The following KLHL32 variants were observed in gnomAD, a reference collection of about 807,000 sequenced individuals.
The protein encoded by KLHL32 is kelch like family member 32.
A neutral mutation model predicts 64.8 loss-of-function variants in KLHL32; 35 were observed. The observed-to-expected ratio is 0.54, with a 90% CI of 0.41 to 0.72. The LOEUF (loss-of-function observed/expected upper bound fraction) is 0.72. Among genes scored for constraint, KLHL32 ranks in the 30% least tolerant of loss-of-function variants. KLHL32 has a pLI of 0.00. For missense variants in KLHL32, 589 were observed against 768.5 expected, an observed-to-expected ratio of 0.77 and a Z score of 2.76; for synonymous variants, 259 against 281.0, an observed-to-expected ratio of 0.92 and a Z score of 0.78.
intron 10 of KLHL32, among the ~76,000 whole-genome samples, chr6:97,136,573 GGAT>G (rs1436152683): frequency 6.6e-6 from 1 of 152,200 alleles, no homozygotes. Flanking sequence ...TGTGTGCCAT[GGAT>G]GACAAGTGGC....
At chr6:96,913,611 G>A in the KLHL32 span, among the ~76,000 whole-genome samples, 1 of 152,334 alleles carries the variant, frequency 6.6e-6, no homozygotes, top group East Asian at 1.9e-4. Context: ...AGATGGGTCG[G>A]TAGGGAGACT....
intron 1 of KLHL32, among the ~76,000 whole-genome samples, chr6:96,938,033 T>C (rs1219220255): frequency 2.6e-5 from 4 of 152,244 alleles, no homozygotes; most frequent in South Asian, 2.1e-4. Context: ...TTTAGTGTTA[T>C]GTATTTCTGA....
chr6:96,935,537 G>A (rs539921904), intron 1 of KLHL32, among the ~76,000 whole-genome samples: 8 of 152,278 alleles, frequency 5.3e-5, no homozygotes, highest in South Asian at 2.1e-4. Flanking sequence ...CTGTGAAACC[G>A]CGTCTATCAT....
upstream of KLHL32, chr6:96,924,521 G>A (rs1397121569): frequency 1.3e-5 from 2 of 150,468 alleles, no homozygotes; most frequent in African/African-American, 4.9e-5. Context: ...GGCGGGCGGT[G>A]GCGTTGCGCG....
chr6:97,107,285 C>A (rs1263789694), intron 6 of KLHL32, among the ~76,000 whole-genome samples: 5 of 149,276 alleles, frequency 3.3e-5, no homozygotes, highest in African/African-American at 1.0e-4. Flanking sequence ...AGGCAAGACT[C>A]CATCTCAAAA....
chr6:96,992,751 A>G (rs1007750986), intron 3 of KLHL32, among the ~76,000 whole-genome samples: 2 of 152,228 alleles, frequency 1.3e-5, no homozygotes, highest in Non-Finnish European at 2.9e-5. Flanking sequence ...TGTAATACCT[A>G]TATTATAAAG....
chr6:96,932,025 C>T (rs117295348), intron 1 of KLHL32, among the ~76,000 whole-genome samples: 3,524 of 152,118 alleles, frequency 0.023, 52 homozygotes, highest in Non-Finnish European at 0.035. Context: ...TAGAGTCTCT[C>T]GTTCACTTGT....
chr6:97,001,412 T>C (rs1779019050), intron 3 of KLHL32, among the ~76,000 whole-genome samples: 1 of 152,238 alleles, frequency 6.6e-6, no homozygotes. Context: ...AATTGTTTTA[T>C]TGTTTTCGAG....
At chr6:97,131,747 G>T (rs1799465138) in intron 9 of KLHL32, among the ~76,000 whole-genome samples, 1 of 152,180 alleles carries the variant, frequency 6.6e-6, no homozygotes, top group Non-Finnish European at 1.5e-5. Flanking sequence ...CTGCTGCTGG[G>T]GGAGGCAACG....
rs376138032 is a variant in KLHL32, at chr6:96,976,144, G to A, written c.171G>A (p.Lys57=). The A allele has an allele frequency of 3.7e-6, 6 of 1,602,602 alleles. No individual in the cohort carries two copies. In the African/African-American group the frequency reaches 8.0e-5, roughly 21 times the overall value. Residue 57 remains lysine, a synonymous_variant, in exon 3 of 11, where the codon AAG becomes AAA. Transcript: ENST00000369261. ...AGGAACAGAAATTCCATGCTCACAA[G>A]GCAGTCCTAGCAGCATGCAGTGACT... is the stretch of plus-strand genomic sequence containing the variant. ...IAEEQKFHAH[K]AVLAACSDYF...
intron 3 of KLHL32, among the ~76,000 whole-genome samples, chr6:97,002,697 C>G (rs1042493757): frequency 5.3e-5 from 8 of 152,166 alleles, no homozygotes; most frequent in African/African-American, 1.9e-4. Flanking sequence ...CAGTGTTTAG[C>G]TCCCACTTAT....
chr6:97,031,436 A>G (rs956280291), intron 3 of KLHL32, among the ~76,000 whole-genome samples: 9 of 151,984 alleles, frequency 5.9e-5, no homozygotes, highest in African/African-American at 1.9e-4. Flanking sequence ...CATGGGGTCA[A>G]GTGATCCTCC....
At chr6:97,102,681 A>G (rs965047089) in intron 6 of KLHL32, among the ~76,000 whole-genome samples, 1 of 152,266 alleles carries the variant, frequency 6.6e-6, no homozygotes, top group Non-Finnish European at 1.5e-5. Context: ...CTATAACTGT[A>G]CATGTGTTTT....
At chr6:96,997,759 A>C (rs1247326075) in intron 3 of KLHL32, among the ~76,000 whole-genome samples, 3 of 152,094 alleles carry the variant, frequency 2.0e-5, no homozygotes, top group African/African-American at 7.2e-5. Context: ...AAAAAACCAT[A>C]CAAGAGATCC....
intron 6 of KLHL32, among the ~76,000 whole-genome samples, chr6:97,091,265 C>G (rs912403580): frequency 2.0e-5 from 3 of 152,182 alleles, no homozygotes; most frequent in African/African-American, 7.2e-5. Context: ...ATTCTAGTTC[C>G]CTTGGGTAGT....
intron 3 of KLHL32, among the ~76,000 whole-genome samples, chr6:96,996,904 G>A (rs745881313): frequency 3.9e-5 from 6 of 152,098 alleles, no homozygotes; most frequent in Non-Finnish European, 5.9e-5. Context: ...GGCATGAAAA[G>A]TGGTTAAGTA....
chr6:97,005,976 T>A (rs530569282), intron 3 of KLHL32, among the ~76,000 whole-genome samples: 1 of 152,260 alleles, frequency 6.6e-6, no homozygotes, highest in South Asian at 2.1e-4. Context: ...AAGAGAAGAA[T>A]GTATATGCTC....
At chr6:97,065,191 G>A (rs976300070) in intron 5 of KLHL32, among the ~76,000 whole-genome samples, 3 of 152,168 alleles carry the variant, frequency 2.0e-5, no homozygotes, top group South Asian at 2.1e-4. Flanking sequence ...GGCAGTAAAT[G>A]CCGGAGAAGG....
At chr6:97,017,228 T>C (rs1456639954) in intron 3 of KLHL32, among the ~76,000 whole-genome samples, 1 of 152,222 alleles carries the variant, frequency 6.6e-6, no homozygotes, top group Non-Finnish European at 1.5e-5. Flanking sequence ...TCCCATGCCA[T>C]GTCCTTGAGA....
Sources: allele counts gnomAD v4.1 joint callset (sites outside exome capture counted in the v4.1 genomes callset), GRCh38; gene constraint gnomAD v4.1.1; transcripts MANE v1.5; gene names NCBI Gene and HGNC (gene_info 2026-07-23, HGNC 2026-07-21).